Variants in ACTC1 observed in about 807,000 individuals in gnomAD.
ACTC1 encodes the protein actin, alpha cardiac muscle 1.
In ACTC1, 10 loss-of-function variants were observed where a neutral mutation model predicts 31.6. The ratio of observed to expected loss-of-function variants is 0.32; its 90% CI spans 0.19 to 0.54. The LOEUF is 0.54. ACTC1 is among the 20% of genes least tolerant of loss of function. The pLI is 0.95. For synonymous variants in ACTC1, 196 were observed against 185.0 expected, an observed-to-expected ratio of 1.06 and a Z score of -0.48; for missense variants, 129 against 506.4, an observed-to-expected ratio of 0.25 and a Z score of 7.15.
chr15:34,790,992 A>T (rs1270054916), intron 6 of ACTC1, 122 bp downstream of exon 6: 1 of 948,616 alleles, frequency 1.1e-6, no homozygotes, highest in African/African-American at 1.6e-5. Flanking sequence ...GTGGTAGAAA[A>T]GCTAACAGGT....
intron 5 of ACTC1, 57 bp from the exon 6 acceptor site, chr15:34,791,352 C>CAT (rs917890683): frequency 7.1e-7 from 1 of 1,406,726 alleles, no homozygotes. Context: ...CACACACACA[C>CAT]ATCACAGTGC....
In ACTC1 at chr15:34,791,296, C is replaced by T. The variant is rs1566967122; in HGVS notation, c.809-1G>A. On this transcript the variant is annotated splice_acceptor_variant, in intron 5 of 6. Transcript: ENST00000290378. LOFTEE classifies it high-confidence loss of function. Reference sequence around the variant, plus strand: ...TCATGGATGCCAGCAGATTCCATACCTGGGAACGAGTCACACACACACACA... The same window carrying T: ...TCATGGATGCCAGCAGATTCCATACTTGGGAACGAGTCACACACACACACA... The T allele has an allele frequency of 6.3e-7, 1 of 1,576,920 alleles. No homozygotes were observed. Among genetic ancestry groups the T allele is most frequent in the Non-Finnish European group, 8.7e-7 (1 of 1,154,524 alleles).
intron 2 of ACTC1, among the ~76,000 whole-genome samples, 189 bp downstream of exon 2, chr15:34,794,491 G>T (rs1232644078): frequency 6.6e-6 from 1 of 152,222 alleles, no homozygotes; most frequent in Non-Finnish European, 1.5e-5. Flanking sequence ...TGCCACTCAG[G>T]TGTACATTCC....
At chr15:34,794,099 G>C (rs1891763419) in intron 2 of ACTC1, among the ~76,000 whole-genome samples, 1 of 152,190 alleles carries the variant, frequency 6.6e-6, no homozygotes. Flanking sequence ...TTGGCAGCCT[G>C]TCTGGCCAGG....
At chr15:34,791,429 C>T (rs1891706577) in intron 5 of ACTC1, 134 bp from the exon 6 acceptor site, 1 of 1,252,384 alleles carries the variant, frequency 8.0e-7, no homozygotes, top group Admixed American at 1.9e-5. Flanking sequence ...CCATTTGTCT[C>T]TGAAACATAT....
At position 34,792,990 on chromosome 15, in the gene ACTC1, G is replaced by A; in HGVS notation, c.454+255C>T. 3.6e-6 allele frequency: 2 copies of A among 562,936 alleles called. No homozygotes were observed. Among genetic ancestry groups the A allele is most frequent in the Non-Finnish European group, 6.3e-6 (2 of 315,458 alleles). The allele number at this position is 562,936 out of a possible 1,614,324, so 34.9% of individuals were successfully genotyped here. ...GTTTAAACACATAACAATGACTGCT[G>A]CACTCCAAGCTGCTACACTGCGCTG... On this transcript the variant is annotated intron_variant, in intron 3 of 6. Transcript: ENST00000290378. The surrounding 1 kb of genome is among the most constrained non-coding windows in gnomAD (Gnocchi z 5.3).
rs1462476672 is a variant in ACTC1, at chr15:34,791,990, CTTT to C, written c.808+97_808+99del. 16 of 1,339,190 alleles carry C rather than the reference CTTT, an allele frequency of 1.2e-5. 1 individual carries two copies. The highest frequency in any genetic ancestry group is 2.5e-5 in the South Asian group (2 of 81,358). The allele number at this position is 1,339,190 out of a possible 1,614,324, so 83.0% of individuals were successfully genotyped here. A position where few individuals can be genotyped will look rare whatever the true frequency, so the allele number is the denominator to read the frequency against. The stretch of plus-strand genomic sequence containing the variant: ...TGTGTGGGAATCCAAACTATGACTT[CTTT>C]TAACTCAAGGGCTTCTTGAGCCTTC... On this transcript the variant is annotated intron_variant, in intron 5 of 6. Coordinates refer to ENST00000290378, the MANE Select transcript of ACTC1 (RefSeq NM_005159.5).
rs1238372620 is a variant in ACTC1 at position 34,793,261 on chromosome 15, A to G, written c.438T>C (p.Ala146=). 1.2e-6 allele frequency: 2 copies of G among 1,614,124 alleles called. No individual in the cohort carries two copies. Among genetic ancestry groups the G allele is most frequent in the Middle Eastern group, 1.7e-4 (1 of 6,060 alleles). ...VAIQAVLSLY[A]SGRTTGIVLD... is the part of the protein sequence containing the mutation. Reference sequence around the variant, plus strand: ...CCAGCATACCTGTGGTACGGCCAGAAGCATACAGGGATAGCACTGCCTGGA... The same window carrying G: ...CCAGCATACCTGTGGTACGGCCAGAGGCATACAGGGATAGCACTGCCTGGA... The change falls in exon 3 of 7, where the codon GCT becomes GCC. Residue 146 remains alanine (A), a synonymous_variant. Transcript: ENST00000290378. This position sits in a 1 kb window ranked among gnomAD's most constrained non-coding sequence, Gnocchi z 4.8.
In ACTC1 at chr15:34,792,704, T is replaced by C. The variant is rs539971450; in HGVS notation, c.455-135A>G. ...ATTGATCCAGATAAAATTAGATTCC[T>C]TACACACAAAGAATAAAAATGCGCA... On this transcript the variant is annotated intron_variant, in intron 3 of 6. Coordinates refer to ENST00000290378, the MANE Select transcript of ACTC1 (RefSeq NM_005159.5). The surrounding 1 kb of genome is among the most constrained non-coding windows in gnomAD (Gnocchi z 5.3). 8.7e-5 allele frequency: 79 copies of C among 912,680 alleles called. 2 individuals carry two copies. The South Asian group carries it at 1.1e-3, about 13-fold the overall frequency. 56.5% of individuals were successfully genotyped at this position (912,680 alleles called of 1,614,324 possible). A position where few individuals can be genotyped will look rare whatever the true frequency, so the allele number is the denominator to read the frequency against.
rs1038278432 is a variant in ACTC1, at chr15:34,792,860, G to A, written c.455-291C>T. ...GAGCACATTATGTAAGCACCCAAGG[G>A]TGTTTTTCTTTGCTCCTATTGAACT... On this transcript the variant is annotated intron_variant, in intron 3 of 6. Coordinates refer to ENST00000290378, the MANE Select transcript of ACTC1 (RefSeq NM_005159.5). This position sits in a 1 kb window ranked among gnomAD's most constrained non-coding sequence, Gnocchi z 5.3. 1.9e-6 allele frequency: 1 copy of A among 518,682 alleles called. No homozygotes were observed. Among genetic ancestry groups the A allele is most frequent in the Non-Finnish European group, 3.5e-6 (1 of 287,678 alleles). The allele number at this position is 518,682 out of a possible 1,614,324, so 32.1% of individuals were successfully genotyped here. A position where few individuals can be genotyped will look rare whatever the true frequency, so the allele number is the denominator to read the frequency against.
chr15:34,790,951 C>G (rs2089441577), intron 6 of ACTC1, among the ~76,000 whole-genome samples, 163 bp downstream of exon 6: 1 of 151,948 alleles, frequency 6.6e-6, no homozygotes, highest in South Asian at 2.1e-4. Flanking sequence ...AGTTACCTAT[C>G]TTGGGAAAAG....
At position 34,792,568 on chromosome 15, in the gene ACTC1, G is replaced by A. The variant is rs771310484; in HGVS notation, c.456C>T (p.Gly152=). ...LSLYASGRTT[G]IVLDSGDGVT... is the part of the protein sequence containing the mutation. ...CACCATCCCCAGAGTCCAGAACAAT[G>A]CCTGCCCGGGGAAGTAGACAAGAAC... Residue 152 remains glycine, a splice_region_variant and synonymous_variant, in exon 4 of 7, where the codon GGC becomes GGT. Transcript: ENST00000290378. The surrounding 1 kb of genome is among the most constrained non-coding windows in gnomAD (Gnocchi z 5.3). 12 of 1,614,136 alleles carry A rather than the reference G, an allele frequency of 7.4e-6. No individual in the cohort carries two copies. The highest frequency in any genetic ancestry group is 1.7e-5 in the Admixed American group (1 of 60,028).
rs1344228896 is a variant in ACTC1, at chr15:34,794,827, G to T, written c.-19C>A. On this transcript the variant is annotated 5_prime_UTR_variant, in exon 2 of 7. Coordinates refer to ENST00000290378, the MANE Select transcript of ACTC1 (RefSeq NM_005159.5). ...CACACATCTTGGCACAGCTTCAGGG[G>T]GTTCTGCAGGTTGAGGAGGGGAGGG... 1.2e-6 allele frequency: 2 copies of T among 1,609,660 alleles called. No individual in the cohort carries two copies. Among genetic ancestry groups the T allele is most frequent in the South Asian group, 1.1e-5 (1 of 90,834 alleles).
chr15:34,791,412 G>A (rs1595760484), intron 5 of ACTC1, 117 bp from the exon 6 acceptor site: 2 of 1,374,978 alleles, frequency 1.5e-6, no homozygotes, highest in East Asian at 4.7e-5. Flanking sequence ...GTGTGGGGGA[G>A]CTGTCACCAT....
At chr15:34,794,205 T>C (rs145070828) in intron 2 of ACTC1, among the ~76,000 whole-genome samples, 33 of 152,324 alleles carry the variant, frequency 2.2e-4, no homozygotes, top group African/African-American at 7.5e-4. Flanking sequence ...ACGCCTGGCT[T>C]CTAAAAATGC....
chr15:34,793,732 C>A lies in ACTC1; in HGVS notation c.130-163G>T, dbSNP rs139480222. On this transcript the variant is annotated intron_variant, in intron 2 of 6. Coordinates refer to ENST00000290378, the MANE Select transcript of ACTC1 (RefSeq NM_005159.5). This position sits in a 1 kb window ranked among gnomAD's most constrained non-coding sequence, Gnocchi z 4.8. ...CAATTTAGAAGAATTATTTAAAAAT[C>A]AATCTTCTACCTTCTCCCCACTCCC... Among the ~76,000 whole-genome samples the A allele has an allele frequency of 6.6e-6, 1 of 152,230 alleles. No homozygotes were observed. The highest frequency in any genetic ancestry group is 1.9e-4 in the East Asian group (1 of 5,176).
chr15:34,790,280 G>T lies in ACTC1; in HGVS notation c.*132C>A. Reference sequence around the variant, plus strand: ...ATTTATAAAGCAATAAATATTAGAAGCACAAACAAATTGCACGTGTGTAAA... The same window carrying T: ...ATTTATAAAGCAATAAATATTAGAATCACAAACAAATTGCACGTGTGTAAA... On this transcript the variant is annotated 3_prime_UTR_variant, in exon 7 of 7. Coordinates refer to ENST00000290378, the MANE Select transcript of ACTC1 (RefSeq NM_005159.5). 8.4e-7 allele frequency: 1 copy of T among 1,188,796 alleles called. No homozygotes were observed. Among genetic ancestry groups the T allele is most frequent in the Non-Finnish European group, 1.2e-6 (1 of 802,406 alleles). The allele number at this position is 1,188,796 out of a possible 1,614,324, so 73.6% of individuals were successfully genotyped here. A position where few individuals can be genotyped will look rare whatever the true frequency, so the allele number is the denominator to read the frequency against.
In ACTC1 at chr15:34,790,386, G is replaced by A. The variant is rs373997876; in HGVS notation, c.*26C>T. ...AAGCATAATACCGTCATCCTGACTGGAAGGTAGATGGAGAGAGAAGGCATC... is the reference window on the plus strand; with the variant it reads ...AAGCATAATACCGTCATCCTGACTGAAAGGTAGATGGAGAGAGAAGGCATC... On this transcript the variant is annotated 3_prime_UTR_variant, in exon 7 of 7. Transcript: ENST00000290378. 125 of 1,612,542 alleles carry A rather than the reference G, an allele frequency of 7.8e-5. No homozygotes were observed. In the African/African-American group the frequency reaches 1.4e-3, roughly 18 times the overall value.
At chr15:34,790,905 G>T (rs936442430) in intron 6 of ACTC1, among the ~76,000 whole-genome samples, 7 of 152,014 alleles carry the variant, frequency 4.6e-5, no homozygotes, top group Admixed American at 3.9e-4. Flanking sequence ...TTTTGTCAAA[G>T]ATTTATTTTT....
Sources: gnomAD v4.1 joint callset for allele counts (sites outside exome capture counted in the v4.1 genomes callset) on GRCh38, gnomAD v4.1.1 for gene constraint, Gnocchi (gnomAD v3.1) non-coding constraint, MANE v1.5 for transcripts, NCBI Gene and HGNC (gene_info 2026-07-23, HGNC 2026-07-21) for gene names.